GRID2: variants seen among roughly 807,000 people sequenced by gnomAD.
The protein encoded by GRID2 is glutamate ionotropic receptor delta type subunit 2, also known as glutamate receptor ionotropic, delta-2.
Under a neutral mutation model 114.8 loss-of-function variants are expected in GRID2, and 33 were observed. The ratio of observed to expected loss-of-function variants is 0.29; its 90% confidence interval spans 0.22 to 0.38. GRID2 has a LOEUF of 0.38. Among genes scored for constraint, GRID2 ranks in the 10% least tolerant of loss-of-function variants. GRID2 has a pLI of 1.00. For missense variants in GRID2, 1,184 were observed against 1,257.7 expected, an observed-to-expected ratio of 0.94 and a Z score of 0.89; for synonymous variants, 505 against 449.9, an observed-to-expected ratio of 1.12 and a Z score of -1.55.
At chr4:93,065,932 G>T (rs982489744) in intron 2 of GRID2, among the ~76,000 whole-genome samples, 2 of 151,870 alleles carry the variant, frequency 1.3e-5, no homozygotes, top group Admixed American at 1.3e-4. Context: ...TGTTCACTAT[G>T]TATCAGTCAC....
chr4:92,865,464 T>C (rs1184089815), intron 2 of GRID2, among the ~76,000 whole-genome samples: 1 of 152,198 alleles, frequency 6.6e-6, no homozygotes, highest in Non-Finnish European at 1.5e-5. Flanking sequence ...ATGTGAAAAT[T>C]AATTGTATTC....
At chr4:93,507,573 C>G (rs1309093642) in intron 12 of GRID2, among the ~76,000 whole-genome samples, 1 of 152,206 alleles carries the variant, frequency 6.6e-6, no homozygotes, top group Non-Finnish European at 1.5e-5. Context: ...AATTCTTTTA[C>G]ATATTTATAA....
intron 4 of GRID2, among the ~76,000 whole-genome samples, chr4:93,137,012 A>T (rs1360658449): frequency 6.6e-6 from 1 of 152,224 alleles, no homozygotes; most frequent in Admixed American, 6.5e-5. Flanking sequence ...GCAGACAAAA[A>T]TTAATATAGA....
intron 2 of GRID2, among the ~76,000 whole-genome samples, chr4:92,842,084 T>A (rs1742940319): frequency 6.6e-6 from 1 of 152,076 alleles, no homozygotes; most frequent in Non-Finnish European, 1.5e-5. Context: ...AATACGATGG[T>A]TAGATTTTTA....
chr4:92,461,185 T>C (rs563062702), intron 1 of GRID2, among the ~76,000 whole-genome samples: 1 of 152,048 alleles, frequency 6.6e-6, no homozygotes, highest in African/African-American at 2.4e-5. Flanking sequence ...TTATGAAACA[T>C]CAAGTATACC....
chr4:93,491,017 T>A (rs1265253305), intron 12 of GRID2, among the ~76,000 whole-genome samples: 1 of 151,938 alleles, frequency 6.6e-6, no homozygotes, highest in Non-Finnish European at 1.5e-5. Flanking sequence ...CTTCCCACAT[T>A]TTCCTGGAAG....
chr4:92,674,714 G>T (rs1733254520), intron 2 of GRID2, among the ~76,000 whole-genome samples: 1 of 151,956 alleles, frequency 6.6e-6, no homozygotes, highest in East Asian at 1.9e-4. Context: ...GTAGAGATGG[G>T]GTTTCACCAT....
At chr4:92,596,345 T>G (rs1198620523) in intron 2 of GRID2, among the ~76,000 whole-genome samples, 1 of 152,100 alleles carries the variant, frequency 6.6e-6, no homozygotes, top group Admixed American at 6.6e-5. Context: ...ATCCCAGTGC[T>G]CTGGTTAACT....
intron 2 of GRID2, among the ~76,000 whole-genome samples, chr4:92,993,793 T>A (rs1329180688): frequency 6.6e-6 from 1 of 152,188 alleles, no homozygotes. Context: ...AGGTAGACAT[T>A]TGTTGGAGGG....
intron 14 of GRID2, among the ~76,000 whole-genome samples, chr4:93,673,647 C>T (rs1724612744): frequency 6.6e-6 from 1 of 152,122 alleles, no homozygotes; most frequent in Non-Finnish European, 1.5e-5. Flanking sequence ...CTTTCCTTGT[C>T]CTAATCCCTA....
chr4:93,105,943 A>G (rs1177577329), intron 3 of GRID2, among the ~76,000 whole-genome samples: 3 of 152,168 alleles, frequency 2.0e-5, no homozygotes, highest in Non-Finnish European at 4.4e-5. Context: ...CACAGATTAC[A>G]GGGATTAACA....
chr4:92,659,933 C>A (rs770771814), intron 2 of GRID2, among the ~76,000 whole-genome samples: 96 of 151,574 alleles, frequency 6.3e-4, no homozygotes, highest in Non-Finnish European at 1.3e-3. Flanking sequence ...TAGATAGATG[C>A]ACATCCTTTC....
chr4:92,590,384 A>G (rs1728652956), intron 2 of GRID2, 98 bp downstream of exon 2: 2 of 828,722 alleles, frequency 2.4e-6, no homozygotes, highest in Admixed American at 4.6e-5. Flanking sequence ...TCATTTTTGT[A>G]TCTTGTTGAT....
intron 4 of GRID2, among the ~76,000 whole-genome samples, chr4:93,111,659 A>G (rs771506660): frequency 6.6e-6 from 1 of 152,022 alleles, no homozygotes; most frequent in Non-Finnish European, 1.5e-5. Flanking sequence ...TTAATGTTAC[A>G]TAGTGATAGA....
intron 1 of GRID2, among the ~76,000 whole-genome samples, chr4:92,483,470 T>C (rs181497890): frequency 3.7e-4 from 56 of 152,292 alleles, no homozygotes; most frequent in Non-Finnish European, 5.9e-5. Flanking sequence ...ATGTCATGTT[T>C]TATCAGTTTA....
intron 2 of GRID2, among the ~76,000 whole-genome samples, chr4:92,792,773 T>A (rs1739655730): frequency 6.6e-6 from 1 of 151,878 alleles, no homozygotes; most frequent in African/African-American, 2.4e-5. Context: ...TTACTATATT[T>A]TAATTTTTTT....
rs115347324 is a variant in GRID2, at chr4:93,386,952, T to C, written c.1246-8655T>C. Among the ~76,000 whole-genome samples, 529 of 152,300 alleles carry C rather than the reference T, an allele frequency of 3.5e-3. 5 individuals carry two copies. In the South Asian group the frequency reaches 0.053, roughly 15 times the overall value. ...ATAAAACATGGCTGGCCAGGGGTCC[T>C]AAGTCCTTGACTGCAACTCCCGTCA... On this transcript the variant is annotated intron_variant, in intron 8 of 15. Transcript: ENST00000282020.
chr4:92,813,831 T>C (rs1431504535), intron 2 of GRID2, among the ~76,000 whole-genome samples: 1 of 152,152 alleles, frequency 6.6e-6, no homozygotes, highest in African/African-American at 2.4e-5. Flanking sequence ...AGCTTACCAG[T>C]GTCTATATAA....
intron 1 of GRID2, among the ~76,000 whole-genome samples, chr4:92,328,431 A>G (rs768740555): frequency 1.2e-4 from 18 of 152,084 alleles, no homozygotes; most frequent in African/African-American, 3.4e-4. Context: ...ACTTGCGTTC[A>G]TTAGGAAAAT....
Sources: gnomAD v4.1 joint callset for allele counts (sites outside exome capture counted in the v4.1 genomes callset) on GRCh38, gnomAD v4.1.1 for gene constraint, MANE v1.5 for transcripts, NCBI Gene and HGNC (gene_info 2026-07-23, HGNC 2026-07-21) for gene names.